Variants in KIF17 observed in about 807,000 individuals in gnomAD.
KIF17 encodes kinesin family member 17, also known as kinesin-like protein KIF17.
Under a neutral mutation model 96.8 loss-of-function variants are expected in KIF17, and 80 were observed. That is an observed-to-expected ratio of 0.83 (90% CI 0.69 to 1.00). The LOEUF is 1.00. Among genes scored for constraint, KIF17 ranks in the 50% least tolerant of loss-of-function variants. The pLI is 0.00. For synonymous variants in KIF17, 567 were observed against 587.5 expected (o/e 0.97, Z 0.51); for missense variants, 1,280 against 1,372.9 (o/e 0.93, Z 1.07).
At chr1:20,667,190 C>T (rs988154165) in intron 13 of KIF17, among the ~76,000 whole-genome samples, 3 of 152,170 alleles carry the variant, frequency 2.0e-5, no homozygotes, top group Non-Finnish European at 2.9e-5. Context: ...TTTGCAGCTG[C>T]TCCCCATCAC....
intron 13 of KIF17, among the ~76,000 whole-genome samples, chr1:20,668,146 T>C (rs2053561348): frequency 6.6e-6 from 1 of 151,382 alleles, no homozygotes; most frequent in Admixed American, 6.6e-5. Context: ...CCGTCTCTAC[T>C]AAAAATACAA....
chr1:20,675,682 A>C (rs2053726607), intron 11 of KIF17, among the ~76,000 whole-genome samples: 1 of 152,158 alleles, frequency 6.6e-6, no homozygotes, highest in Non-Finnish European at 1.5e-5. Context: ...CTTTAGGATC[A>C]GCTTATCAAT....
chr1:20,695,140 A>G (rs57515005), intron 6 of KIF17, among the ~76,000 whole-genome samples: 6 of 119,994 alleles, frequency 5.0e-5, no homozygotes, highest in Non-Finnish European at 1.0e-4. Context: ...ACACACACGC[A>G]CACACACATG....
chr1:20,686,019 C>T (rs756142364), intron 9 of KIF17, 27 bp downstream of exon 9: 154 of 1,539,524 alleles, frequency 1.0e-4, no homozygotes, highest in Non-Finnish European at 1.3e-4. Context: ...CCCCGTCCCC[C>T]ACATGGAGGC....
chr1:20,713,338 C>A, intron 3 of KIF17, 116 bp downstream of exon 3: 1 of 701,492 alleles, frequency 1.4e-6, no homozygotes, highest in Non-Finnish European at 2.4e-6. Context: ...AAAGTCCCGA[C>A]TCTAGCCTCC....
chr1:20,684,529 G>A (rs1226510687), intron 10 of KIF17, among the ~76,000 whole-genome samples: 2 of 152,216 alleles, frequency 1.3e-5, no homozygotes, highest in East Asian at 1.9e-4. Flanking sequence ...AGGGGGCTGG[G>A]GGCTTGGCTG....
At chr1:20,666,191 G>A (rs1365084425) in intron 14 of KIF17, 23 bp downstream of exon 14, 2 of 1,540,500 alleles carry the variant, frequency 1.3e-6, no homozygotes, top group Non-Finnish European at 1.8e-6. Context: ...TGGAGAGGGT[G>A]GGGACAGGGG....
At position 20,700,140 on chromosome 1, in the gene KIF17, G is replaced by A. The variant is rs657996; in HGVS notation, c.1124-1652C>T. On this transcript the variant is annotated intron_variant, in intron 5 of 14. Transcript: ENST00000400463. The surrounding 1 kb of genome is among the most constrained non-coding windows in gnomAD (Gnocchi z 4.6). ...AGGCTAGATGCAATCGTGTGATCTC[G>A]GCTCACTGCAACCTCCCTCTCCCAG... Among the ~76,000 whole-genome samples the A allele has an allele frequency of 0.025, 3,764 of 151,536 alleles. 162 individuals are homozygous for A. Among genetic ancestry groups the A allele is most frequent in the African/African-American group, 0.086 (3,530 of 41,260 alleles).
chr1:20,706,547 C>T (rs997314782), intron 4 of KIF17, among the ~76,000 whole-genome samples: 2 of 151,466 alleles, frequency 1.3e-5, no homozygotes, highest in South Asian at 4.2e-4. Flanking sequence ...GCCGAGATTG[C>T]AACACTGCAC....
intron 5 of KIF17, among the ~76,000 whole-genome samples, chr1:20,703,180 T>TGGATGGATGGATGGATGGAC (rs1553151992): frequency 1.3e-5 from 2 of 149,872 alleles, no homozygotes; most frequent in African/African-American, 4.9e-5. Context: ...GATGGATGAA[T>TGGATGGATGGATGGATGGAC]GGATGGACGG....
At chr1:20,706,888 CAAAAA>C (rs113547608) in intron 4 of KIF17, among the ~76,000 whole-genome samples, 1 of 144,730 alleles carries the variant, frequency 6.9e-6, no homozygotes, top group Non-Finnish European at 1.5e-5. Context: ...AATCCTGTCT[CAAAAA>C]AAAAAAGAAA....
rs547283 is a variant in KIF17 at position 20,688,882 on chromosome 1, G to A, written c.1382-938C>T. ...TCCCCTGGGTCTCCTCCAGGAGCGCGTCTCCCTTGCAGCGGAGACAGGGCT... is the reference window on the plus strand; with the variant it reads ...TCCCCTGGGTCTCCTCCAGGAGCGCATCTCCCTTGCAGCGGAGACAGGGCT... On this transcript the variant is annotated intron_variant, in intron 7 of 14. Coordinates refer to ENST00000400463, the MANE Select transcript of KIF17 (RefSeq NM_001122819.3). Among the ~76,000 whole-genome samples, 1,501 of 152,266 alleles carry A rather than the reference G, an allele frequency of 9.9e-3. 23 individuals are homozygous for A. Among genetic ancestry groups the A allele is most frequent in the African/African-American group, 0.035 (1,434 of 41,542 alleles).
Position 20,700,468 on chromosome 1 carries a change from T to C in KIF17, c.1124-1980A>G, listed in dbSNP as rs12756783. ...GAGAAGCCAGGGGCGACCCCAAGTG[T>C]CTGGTTTGAACACCTGAGTTGCCTC... On this transcript the variant is annotated intron_variant, in intron 5 of 14. Coordinates refer to ENST00000400463, the MANE Select transcript of KIF17 (RefSeq NM_001122819.3). This position sits in a 1 kb window ranked among gnomAD's most constrained non-coding sequence, Gnocchi z 4.6. 0.067 allele frequency among the ~76,000 whole-genome samples: 10,250 copies of C among 152,242 alleles called. 563 individuals carry two copies. Among genetic ancestry groups the C allele is most frequent in the African/African-American group, 0.15 (6,261 of 41,526 alleles).
At position 20,713,980 on chromosome 1, in the gene KIF17, A is replaced by C. The variant is rs920395285; in HGVS notation, c.379-425T>G. ...GGTGGTTGGATCACCTGAGGTCAGG[A>C]GTTCGAGACCAGCCTGACCAACAAG... On this transcript the variant is annotated intron_variant, in intron 2 of 14. Coordinates refer to ENST00000400463, the MANE Select transcript of KIF17 (RefSeq NM_001122819.3). 2.0e-5 allele frequency among the ~76,000 whole-genome samples: 3 copies of C among 152,270 alleles called. No individual in the cohort carries two copies. In the East Asian group the frequency reaches 5.8e-4, roughly 29 times the overall value.
chr1:20,683,787 C>G (rs1051704399), intron 10 of KIF17, among the ~76,000 whole-genome samples: 1 of 152,260 alleles, frequency 6.6e-6, no homozygotes, highest in African/African-American at 2.4e-5. Context: ...CCAGCTTTCA[C>G]TCACGGCTGG....
At chr1:20,666,193 G>A (rs1298140815) in intron 14 of KIF17, 21 bp downstream of exon 14, 1 of 1,554,142 alleles carries the variant, frequency 6.4e-7, no homozygotes, top group Non-Finnish European at 8.9e-7. Context: ...GAGAGGGTGG[G>A]GACAGGGGAG....
chr1:20,707,947 G>C (rs925706997), intron 4 of KIF17, among the ~76,000 whole-genome samples: 2 of 151,168 alleles, frequency 1.3e-5, no homozygotes, highest in South Asian at 4.2e-4. Context: ...TTAAATGTTA[G>C]TGGTATTTAG....
At chr1:20,671,242 T>G (rs941719396) in intron 12 of KIF17, among the ~76,000 whole-genome samples, 2 of 152,184 alleles carry the variant, frequency 1.3e-5, no homozygotes, top group African/African-American at 4.8e-5. Context: ...CAATGCTGAT[T>G]AGGATAACAA....
At chr1:20,708,555 A>G (rs960057959) in intron 4 of KIF17, among the ~76,000 whole-genome samples, 4 of 152,180 alleles carry the variant, frequency 2.6e-5, no homozygotes, top group African/African-American at 9.7e-5. Context: ...TTGGAGTTCT[A>G]GTCATGATGG....
Sources: allele counts gnomAD v4.1 joint callset (sites outside exome capture counted in the v4.1 genomes callset), GRCh38; gene constraint gnomAD v4.1.1; non-coding constraint Gnocchi (gnomAD v3.1); transcripts MANE v1.5; gene names NCBI Gene and HGNC (gene_info 2026-07-23, HGNC 2026-07-21).